The following LRRTM4 variants were observed in gnomAD, a reference collection of about 807,000 sequenced individuals.
The protein encoded by LRRTM4 is leucine-rich repeat transmembrane neuronal protein 4.
A neutral mutation model predicts 47.6 loss-of-function variants in LRRTM4; 25 were observed. The observed-to-expected ratio is 0.53, with a 90% CI of 0.38 to 0.73. The LOEUF (loss-of-function observed/expected upper bound fraction) is 0.73, where lower values mean the gene tolerates loss of function less well. LRRTM4 is among the 30% of genes least tolerant of loss of function. The pLI, the probability that LRRTM4 is intolerant of heterozygous loss-of-function variation, is 0.00. For synonymous variants in LRRTM4, 311 were observed against 269.5 expected, an observed-to-expected ratio of 1.15 and a Z score of -1.51; for missense variants, 638 against 713.4, an observed-to-expected ratio of 0.89 and a Z score of 1.20.
chr2:77,246,032 T>G (rs1468988861), intron 3 of LRRTM4, among the ~76,000 whole-genome samples: 1 of 152,216 alleles, frequency 6.6e-6, no homozygotes, highest in Non-Finnish European at 1.5e-5. Flanking sequence ...GCTGAGTTAC[T>G]TATCTTCTCT....
intron 3 of LRRTM4, among the ~76,000 whole-genome samples, chr2:77,060,860 A>G (rs545921844): frequency 6.6e-6 from 1 of 152,112 alleles, no homozygotes. Flanking sequence ...TGTGAGCACA[A>G]TTCCTGTCAC....
chr2:76,895,553 AG>A (rs1673384719), intron 3 of LRRTM4, among the ~76,000 whole-genome samples: 1 of 152,066 alleles, frequency 6.6e-6, no homozygotes, highest in Non-Finnish European at 1.5e-5. Flanking sequence ...TTCTCGCAAA[AG>A]GAAACAGCCA....
chr2:77,169,146 T>C (rs1204700383), intron 3 of LRRTM4, among the ~76,000 whole-genome samples: 1 of 152,110 alleles, frequency 6.6e-6, no homozygotes, highest in Non-Finnish European at 1.5e-5. Flanking sequence ...CTGAACGCCT[T>C]TCCTATAAGA....
At chr2:77,209,538 A>G (rs959834066) in intron 3 of LRRTM4, among the ~76,000 whole-genome samples, 1 of 152,178 alleles carries the variant, frequency 6.6e-6, no homozygotes. Flanking sequence ...ATCACAGATA[A>G]TGTTTTAGAG....
At chr2:77,367,840 C>T (rs184551818) in intron 3 of LRRTM4, among the ~76,000 whole-genome samples, 1 of 151,844 alleles carries the variant, frequency 6.6e-6, no homozygotes, top group East Asian at 1.9e-4. Flanking sequence ...TTAACAAATT[C>T]CATTTGTTGA....
At chr2:77,426,629 T>C (rs1368949860) in intron 3 of LRRTM4, among the ~76,000 whole-genome samples, 1 of 152,110 alleles carries the variant, frequency 6.6e-6, no homozygotes, top group Non-Finnish European at 1.5e-5. Context: ...TGAGAGTGAG[T>C]GGTTTCTCAC....
chr2:77,088,715 A>T lies in LRRTM4; in HGVS notation c.1552-339799T>A, dbSNP rs548954475. On this transcript the variant is annotated intron_variant, in intron 3 of 3. Transcript: ENST00000409884. ...CTTGGATCAGGGGACTTCCCCTAGG[A>T]GATCAATCCCCCGTCCTCCTGCTCT... is the stretch of plus-strand genomic sequence containing the variant. 1.4e-4 allele frequency among the ~76,000 whole-genome samples: 21 copies of T among 152,226 alleles called. No individual in the cohort carries two copies. In the South Asian group the frequency reaches 4.4e-3, roughly 32 times the overall value.
At chr2:77,253,575 T>C (rs1171724756) in intron 3 of LRRTM4, among the ~76,000 whole-genome samples, 1 of 152,070 alleles carries the variant, frequency 6.6e-6, no homozygotes, top group Non-Finnish European at 1.5e-5. Context: ...CAGAAAAATC[T>C]CAACTTGAAA....
intron 3 of LRRTM4, among the ~76,000 whole-genome samples, chr2:77,263,153 G>T (rs1573163523): frequency 6.6e-6 from 1 of 152,094 alleles, no homozygotes; most frequent in African/African-American, 2.4e-5. Context: ...AAAGGATGGG[G>T]TTTGGAGAGC....
At chr2:77,322,351 A>C (rs563043383) in intron 3 of LRRTM4, among the ~76,000 whole-genome samples, 3 of 152,140 alleles carry the variant, frequency 2.0e-5, no homozygotes, top group Non-Finnish European at 2.9e-5. Context: ...CATAGTTGAC[A>C]TGAAGACTGT....
At chr2:76,817,388 A>T (rs901448294) in intron 3 of LRRTM4, among the ~76,000 whole-genome samples, 9 of 152,014 alleles carry the variant, frequency 5.9e-5, no homozygotes, top group Admixed American at 3.3e-4. Flanking sequence ...AAGACAAAAC[A>T]ATGAAACCTG....
chr2:77,027,951 TTC>T (rs1398166464), intron 3 of LRRTM4, among the ~76,000 whole-genome samples: 4 of 150,748 alleles, frequency 2.7e-5, no homozygotes, highest in South Asian at 2.1e-4. Flanking sequence ...ACTTCTAACT[TTC>T]TCTCTTATCT....
At position 77,456,302 on chromosome 2, in the gene LRRTM4, C is replaced by T. The variant is rs557660101; in HGVS notation, c.1551+62016G>A. On this transcript the variant is annotated intron_variant, in intron 3 of 3. Transcript: ENST00000409884. ...CCAAGTCATATATTCAGCTAGTGATCTTTTCTAATAATTCAAAGAAAAATA... is the reference window on the plus strand; with the variant it reads ...CCAAGTCATATATTCAGCTAGTGATTTTTTCTAATAATTCAAAGAAAAATA... Among the ~76,000 whole-genome samples, 8 of 152,228 alleles carry T rather than the reference C, an allele frequency of 5.3e-5. 2 individuals are homozygous for T. Among genetic ancestry groups the T allele is most frequent in the African/African-American group, 1.4e-4 (6 of 41,552 alleles).
At chr2:77,038,294 A>G (rs921835301) in intron 3 of LRRTM4, among the ~76,000 whole-genome samples, 11 of 151,550 alleles carry the variant, frequency 7.3e-5, no homozygotes, top group African/African-American at 2.2e-4. Context: ...TGCCTAATAG[A>G]TTACTATTTG....
At chr2:76,880,419 TA>T (rs1471027300) in intron 3 of LRRTM4, among the ~76,000 whole-genome samples, 2 of 152,194 alleles carry the variant, frequency 1.3e-5, no homozygotes, top group Non-Finnish European at 2.9e-5. Flanking sequence ...TTTTTAGCTG[TA>T]AAATATTTTT....
At chr2:77,390,638 A>C (rs1384657988) in intron 3 of LRRTM4, among the ~76,000 whole-genome samples, 1 of 151,714 alleles carries the variant, frequency 6.6e-6, no homozygotes, top group Non-Finnish European at 1.5e-5. Flanking sequence ...ATTATTATTA[A>C]ATATGCTATA....
intron 3 of LRRTM4, among the ~76,000 whole-genome samples, chr2:77,240,028 T>C (rs1289725275): frequency 6.6e-6 from 1 of 151,834 alleles, no homozygotes; most frequent in Non-Finnish European, 1.5e-5. Flanking sequence ...TAGACCATAT[T>C]CTGGGTCATA....
chr2:77,473,891 G>A (rs1461282156), intron 3 of LRRTM4, among the ~76,000 whole-genome samples: 14 of 152,214 alleles, frequency 9.2e-5, no homozygotes, highest in Non-Finnish European at 1.3e-4. Context: ...AGCCAAGCCC[G>A]CTTGTACATC....
At chr2:77,295,704 T>C (rs1024484298) in intron 3 of LRRTM4, among the ~76,000 whole-genome samples, 6 of 152,174 alleles carry the variant, frequency 3.9e-5, no homozygotes, top group African/African-American at 1.4e-4. Context: ...GGCTTGTAGG[T>C]GGCCATCTCC....
Sources: gnomAD v4.1 joint callset for allele counts (sites outside exome capture counted in the v4.1 genomes callset) on GRCh38, gnomAD v4.1.1 for gene constraint, MANE v1.5 for transcripts, NCBI Gene and HGNC (gene_info 2026-07-23, HGNC 2026-07-21) for gene names.